Variants in HGS observed in about 807,000 individuals in gnomAD.
HGS encodes human growth factor-regulated tyrosine kinase substrate.
A neutral mutation model predicts 109.7 loss-of-function variants in HGS; 63 were observed. That is an observed-to-expected ratio of 0.57 (90% CI 0.47 to 0.71). HGS has a LOEUF of 0.71. Among genes scored for constraint, HGS ranks in the 30% least tolerant of loss-of-function variants. HGS has a pLI of 0.00. For missense variants in HGS, 995 were observed against 1,068.3 expected (o/e 0.93, Z 0.96); for synonymous variants, 546 against 437.3 (o/e 1.25, Z -3.10).
intron 21 of HGS, 157 bp downstream of exon 21, chr17:81,701,288 G>A: frequency 1.2e-6 from 1 of 808,712 alleles, no homozygotes; most frequent in Non-Finnish European, 2.0e-6. Flanking sequence ...ACAGAACGAG[G>A]ACACAAGTCT....
rs1463757493 is a variant in HGS, at chr17:81,687,990, G to A, written c.292-714G>A. Among the ~76,000 whole-genome samples the A allele has an allele frequency of 7.9e-5, 12 of 152,214 alleles. No homozygotes were observed. The East Asian group carries it at 2.3e-3, about 29-fold the overall frequency. ...GGTGCTCCTGAGCTCCTTCAGTCAG[G>A]CTGCAGATCCTGAGCCGGTTCGCTC... On this transcript the variant is annotated intron_variant, in intron 4 of 21. Coordinates refer to ENST00000329138, the MANE Select transcript of HGS (RefSeq NM_004712.5).
rs373522744 is a variant in HGS at position 81,689,301 on chromosome 17, A to C, written c.415+474A>C. ...AGAGTGCAGCCGGGCCTGTGCGCCG[A>C]GGGCCTCCAGGCTGTTGGGCTGGAG... On this transcript the variant is annotated intron_variant, in intron 5 of 21. Transcript: ENST00000329138. 5.9e-5 allele frequency among the ~76,000 whole-genome samples: 9 copies of C among 152,286 alleles called. No homozygotes were observed. The East Asian group carries it at 1.7e-3, about 29-fold the overall frequency.
chr17:81,690,561 C>G, intron 6 of HGS, 113 bp from the exon 7 acceptor site: 4 of 1,073,804 alleles, frequency 3.7e-6, no homozygotes, highest in Non-Finnish European at 4.0e-6. Context: ...ATTGCTCTCG[C>G]TCGTGCTGGG....
intron 4 of HGS, among the ~76,000 whole-genome samples, chr17:81,687,708 G>C (rs1445585613): frequency 6.6e-6 from 1 of 152,358 alleles, no homozygotes; most frequent in Non-Finnish European, 1.5e-5. Flanking sequence ...CTGTGATGCA[G>C]TGGGGATGCT....
chr17:81,694,744 G>C (rs2037117184), intron 11 of HGS, 71 bp from the exon 12 acceptor site: 1 of 1,592,416 alleles, frequency 6.3e-7, no homozygotes, highest in Admixed American at 1.7e-5. Flanking sequence ...TGTCGCACTG[G>C]GGACATCCCT....
intron 11 of HGS, among the ~76,000 whole-genome samples, 187 bp downstream of exon 11, chr17:81,694,152 C>CTG (rs1354390189): frequency 5.3e-5 from 8 of 152,326 alleles, no homozygotes; most frequent in Middle Eastern, 3.4e-3. Context: ...CCCGTTGCTC[C>CTG]TGGTCCCTGG....
At chr17:81,701,417 T>C in intron 21 of HGS, 91 bp from the exon 22 acceptor site, 2 of 1,349,772 alleles carry the variant, frequency 1.5e-6, no homozygotes, top group East Asian at 2.5e-5. Flanking sequence ...TTACAAGCAC[T>C]TGTGGGTCTG....
At position 81,696,016 on chromosome 17, in the gene HGS, C is replaced by T. The variant is rs560086434; in HGVS notation, c.1393+17C>T. 2.1e-5 allele frequency: 32 copies of T among 1,532,912 alleles called. No homozygotes were observed. The East Asian group carries it at 3.4e-4, about 16-fold the overall frequency. The allele number at this position is 1,532,912 out of a possible 1,614,324, so 95.0% of individuals were successfully genotyped here. A position where few individuals can be genotyped will look rare whatever the true frequency, so the allele number is the denominator to read the frequency against. ...AGCGCAGGCGTAGGTGCCCGCGCCACGGGGCCTCGGCTCAGGGGCAGCCAG... is the reference window on the plus strand; with the variant it reads ...AGCGCAGGCGTAGGTGCCCGCGCCATGGGGCCTCGGCTCAGGGGCAGCCAG... On this transcript the variant is annotated intron_variant, in intron 15 of 21. Transcript: ENST00000329138.
Position 81,693,917 on chromosome 17 carries a change from C to G in HGS, c.888C>G (p.Pro296=), listed in dbSNP as rs1253449900. The G allele has an allele frequency of 6.2e-7, 1 of 1,611,676 alleles. No homozygotes were observed. Among genetic ancestry groups the G allele is most frequent in the Non-Finnish European group, 8.5e-7 (1 of 1,179,826 alleles). The change falls in exon 11 of 22, where the codon CCC becomes CCG. Residue 296 remains proline, a synonymous_variant. Coordinates refer to ENST00000329138, the MANE Select transcript of HGS (RefSeq NM_004712.5). The part of the protein sequence containing the change: ...YTSYPKAEPM[P]SASSAPPASS... ...CGTACCCCAAGGCGGAGCCCATGCCCTCGGCCTCCTCAGCGCCCCCCGCCA... is the reference window on the plus strand; with the variant it reads ...CGTACCCCAAGGCGGAGCCCATGCCGTCGGCCTCCTCAGCGCCCCCCGCCA...
At position 81,696,942 on chromosome 17, in the gene HGS, T is replaced by C. The variant is rs773130798; in HGVS notation, c.1826T>C (p.Met609Thr). Reference protein sequence around the residue: ...VEGSPMHGVYMSQPAPAAGPY... With the variant: ...VEGSPMHGVYTSQPAPAAGPY... ...GGCTCCCCAATGCACGGCGTGTACATGAGCCAGCCGGCCCCTGCCGCTGGC... is the reference window on the plus strand; with the variant it reads ...GGCTCCCCAATGCACGGCGTGTACACGAGCCAGCCGGCCCCTGCCGCTGGC... Residue 609 changes from methionine to threonine, a missense_variant, in exon 18 of 22, where the codon ATG (methionine) becomes ACG (threonine). By Grantham distance (81) the Met-to-Thr change is moderately conservative (BLOSUM62 -1). Transcript: ENST00000329138. 11 of 1,605,168 alleles carry C rather than the reference T, an allele frequency of 6.9e-6. No homozygotes were observed. The highest frequency in any genetic ancestry group is 2.2e-5 in the South Asian group (2 of 91,010).
rs2037097325 is a variant in HGS at position 81,693,558 on chromosome 17, AGCC to A, written c.719_721del (p.Ser240_Pro241delinsThr). On this transcript the variant is annotated inframe_deletion, in exon 9 of 22. Transcript: ENST00000329138. ...TGAGCTGCCCCCCGAGTACCTGACC[AGCC>A]CCCTGTCTCAGCAGTCCCAGGTACT... 1.9e-6 allele frequency: 3 copies of A among 1,612,164 alleles called. No individual in the cohort carries two copies. Among genetic ancestry groups the A allele is most frequent in the Non-Finnish European group, 2.5e-6 (3 of 1,179,042 alleles).
chr17:81,695,392 A>G (rs571821186), intron 14 of HGS, among the ~76,000 whole-genome samples, 169 bp downstream of exon 14: 4 of 152,194 alleles, frequency 2.6e-5, no homozygotes, highest in South Asian at 2.1e-4. Context: ...GCCTCTCCCA[A>G]TGGAAACTCT....
chr17:81,685,559 C>T (rs374974192), intron 1 of HGS, 46 bp from the exon 2 acceptor site: 64 of 1,402,626 alleles, frequency 4.6e-5, no homozygotes, highest in East Asian at 2.8e-4. Context: ...CTGCACGGGG[C>T]GTCCAGCAGG....
Position 81,700,788 on chromosome 17 carries a change from A to T in HGS, c.2110A>T (p.Met704Leu), listed in dbSNP as rs1182250373. ...CTACATGGGGAGCCAGTCAGTCTCC[A>T]TGGGCTACCAGCCTTACAACATGCA... ...MGYMGSQSVS[M>L]GYQPYNMQNL... is the part of the protein sequence containing the mutation. Residue 704 changes from methionine to leucine, a missense_variant, in exon 20 of 22, where the codon ATG (methionine) becomes TTG (leucine). Physicochemically the swap from Met to Leu is conservative, Grantham distance 15 (BLOSUM62 2). Around this residue, in one of 6 missense-constraint regions of HGS, gnomAD observed 326 missense variants for 309.7 expected, o/e 1.05. Coordinates refer to ENST00000329138, the MANE Select transcript of HGS (RefSeq NM_004712.5). 6.2e-7 allele frequency: 1 copy of T among 1,612,558 alleles called. No individual in the cohort carries two copies. Among genetic ancestry groups the T allele is most frequent in the South Asian group, 1.1e-5 (1 of 91,008 alleles).
Position 81,694,811 on chromosome 17 carries a change from C to T in HGS, c.937-4C>T, listed in dbSNP as rs760384589. 2 of 1,614,116 alleles carry T rather than the reference C, an allele frequency of 1.2e-6. No individual in the cohort carries two copies. The highest frequency in any genetic ancestry group is 1.7e-6 in the Non-Finnish European group (2 of 1,180,048). ...GTGAGACTCAGATGCCCTTTTCTCCCCAGAACTCGTCGGCGCCTCTGGCTG... is the reference window on the plus strand; with the variant it reads ...GTGAGACTCAGATGCCCTTTTCTCCTCAGAACTCGTCGGCGCCTCTGGCTG... On this transcript the variant is annotated splice_region_variant and splice_polypyrimidine_tract_variant and intron_variant, in intron 11 of 21. Transcript: ENST00000329138.
Position 81,695,938 on chromosome 17 carries a change from G to C in HGS, c.1332G>C (p.Gln444His). 1.9e-6 allele frequency: 3 copies of C among 1,591,712 alleles called. No homozygotes were observed. Among genetic ancestry groups the C allele is most frequent in the Non-Finnish European group, 2.6e-6 (3 of 1,165,688 alleles). Reference sequence around the variant, plus strand: ...ACTCGGCCGTGCTCTCACTCTTCCAGTCCATCAACGGCATGCACCCGCAGC... The same window carrying C: ...ACTCGGCCGTGCTCTCACTCTTCCACTCCATCAACGGCATGCACCCGCAGC... ...TNDSAVLSLF[Q>H]SINGMHPQLL... is the part of the protein sequence containing the mutation. The change falls in exon 15 of 22, where the codon CAG becomes CAC. Residue 444 changes from glutamine (Q) to histidine (H), a missense_variant. Gln to His is a conservative substitution (Grantham distance 24). Coordinates refer to ENST00000329138, the MANE Select transcript of HGS (RefSeq NM_004712.5).
intron 18 of HGS, among the ~76,000 whole-genome samples, chr17:81,698,724 T>C (rs543950255): frequency 6.6e-6 from 1 of 152,210 alleles, no homozygotes; most frequent in South Asian, 2.1e-4. Context: ...AGTGCACAGT[T>C]GTGGGTGCGT....
chr17:81,696,270 G>A (rs2037145407), intron 15 of HGS, 87 bp from the exon 16 acceptor site: 1 of 1,422,024 alleles, frequency 7.0e-7, no homozygotes, highest in Non-Finnish European at 9.3e-7. Flanking sequence ...GTTGGGCACA[G>A]GGCGGCCCAT....
chr17:81,700,367 CAAAAAAAAA>C, intron 18 of HGS, 91 bp from the exon 19 acceptor site: 1 of 959,826 alleles, frequency 1.0e-6, no homozygotes, highest in Non-Finnish European at 1.4e-6. Flanking sequence ...GACTCCATCT[CAAAAAAAAA>C]AAAAAAAAAG....
Sources: allele counts gnomAD v4.1 joint callset (sites outside exome capture counted in the v4.1 genomes callset), GRCh38; gene constraint gnomAD v4.1.1; regional missense constraint gnomAD v4.1.1; transcripts MANE v1.5; gene names NCBI Gene and HGNC (gene_info 2026-07-23, HGNC 2026-07-21).